TAS2R1: variants seen among roughly 807,000 people sequenced by gnomAD.
TAS2R1 encodes the protein taste 2 receptor member 1.
For synonymous variants in TAS2R1, 141 were observed against 134.2 expected (o/e 1.05, Z -0.35); for missense variants, 370 against 353.4 (o/e 1.05, Z -0.38).
chr5:9,890,202 G>GT, the TAS2R1 span, among the ~76,000 whole-genome samples: 1 of 152,098 alleles, frequency 6.6e-6, no homozygotes, highest in South Asian at 2.1e-4. Flanking sequence ...AAAAGGCAAG[G>GT]TAAAAAGAAA....
intron 2 of TAS2R1, among the ~76,000 whole-genome samples, chr5:9,645,356 T>C (rs1740166425): frequency 6.6e-6 from 1 of 152,202 alleles, no homozygotes; most frequent in Non-Finnish European, 1.5e-5. Context: ...CACAATCTGA[T>C]TTCAAATGCT....
the TAS2R1 span, among the ~76,000 whole-genome samples, chr5:9,827,700 T>C: frequency 0.11 from 16,117 of 152,132 alleles, 923 homozygotes; most frequent in Non-Finnish European, 0.13. Flanking sequence ...GGACTATCAC[T>C]TGAACCTGGA....
chr5:9,879,996 T>C, the TAS2R1 span, among the ~76,000 whole-genome samples: 1 of 152,132 alleles, frequency 6.6e-6, no homozygotes, highest in East Asian at 1.9e-4. Flanking sequence ...GATTTTCCTT[T>C]ATCAGCAATA....
chr5:9,806,380 C>G, the TAS2R1 span, among the ~76,000 whole-genome samples: 2 of 151,962 alleles, frequency 1.3e-5, no homozygotes, highest in Admixed American at 6.6e-5. Context: ...TCATTCTTCA[C>G]AGAACTAGAA....
the TAS2R1 span, among the ~76,000 whole-genome samples, chr5:9,718,875 T>TA: frequency 0.015 from 2,184 of 147,376 alleles, 40 homozygotes; most frequent in African/African-American, 0.045. Context: ...GCTACTGTAT[T>TA]AAAAAAAAAA....
chr5:9,650,361 G>A (rs1457422430), intron 2 of TAS2R1, among the ~76,000 whole-genome samples: 2 of 152,010 alleles, frequency 1.3e-5, no homozygotes, highest in East Asian at 1.9e-4. Context: ...GGAGGGGTGG[G>A]CACAATAAAA....
the TAS2R1 span, among the ~76,000 whole-genome samples, chr5:9,741,669 G>C: frequency 6.6e-6 from 1 of 152,254 alleles, no homozygotes; most frequent in South Asian, 2.1e-4. Context: ...GTTCCCACCT[G>C]TTCAAGCATC....
chr5:9,648,438 A>G (rs1323247828), intron 2 of TAS2R1, among the ~76,000 whole-genome samples: 2 of 151,978 alleles, frequency 1.3e-5, no homozygotes, highest in East Asian at 3.9e-4. Flanking sequence ...CAAGAAGAGG[A>G]CATATGAATG....
At chr5:9,745,342 C>A in the TAS2R1 span, among the ~76,000 whole-genome samples, 1 of 151,918 alleles carries the variant, frequency 6.6e-6, no homozygotes, top group Non-Finnish European at 1.5e-5. Context: ...TATGGTTGGA[C>A]ATAATATAAT....
intron 1 of TAS2R1, among the ~76,000 whole-genome samples, chr5:9,705,083 A>T (rs1741575718): frequency 1.3e-5 from 2 of 152,240 alleles, no homozygotes; most frequent in African/African-American, 4.8e-5. Context: ...TTTTAATTGA[A>T]ATAAATGTAT....
chr5:9,795,028 G>A, the TAS2R1 span, among the ~76,000 whole-genome samples: 1 of 152,120 alleles, frequency 6.6e-6, no homozygotes, highest in Non-Finnish European at 1.5e-5. Flanking sequence ...AGGGTAACTG[G>A]CACATCCATC....
chr5:9,768,301 G>T, the TAS2R1 span, among the ~76,000 whole-genome samples: 1 of 152,194 alleles, frequency 6.6e-6, no homozygotes, highest in South Asian at 2.1e-4. Flanking sequence ...TCACACATTT[G>T]CTCTGTTTCA....
the TAS2R1 span, among the ~76,000 whole-genome samples, chr5:9,882,296 A>G: frequency 6.6e-6 from 1 of 152,206 alleles, no homozygotes; most frequent in African/African-American, 2.4e-5. Context: ...CAAAACCACA[A>G]TGAGATAGTA....
the TAS2R1 span, among the ~76,000 whole-genome samples, chr5:9,835,333 G>A: frequency 4.6e-5 from 7 of 152,158 alleles, no homozygotes; most frequent in Admixed American, 3.3e-4. Flanking sequence ...TTCATGTGAC[G>A]CTACACTAGA....
chr5:9,749,989 A>G, the TAS2R1 span, among the ~76,000 whole-genome samples: 3 of 152,180 alleles, frequency 2.0e-5, no homozygotes, highest in Non-Finnish European at 4.4e-5. Context: ...CCTCACCAGC[A>G]TTCTTCACCC....
chr5:9,688,015 A>G (rs1203885747), intron 1 of TAS2R1, among the ~76,000 whole-genome samples: 1 of 152,242 alleles, frequency 6.6e-6, no homozygotes, highest in Non-Finnish European at 1.5e-5. Context: ...GCAAACTTAC[A>G]GAGGACCAAG....
rs1316969071 is a variant in TAS2R1 at position 9,693,547 on chromosome 5, AAGAG to A, written c.-242+18621_-242+18624del. 3.7e-3 allele frequency among the ~76,000 whole-genome samples: 511 copies of A among 136,738 alleles called. 6 individuals carry two copies. Among genetic ancestry groups the A allele is most frequent in the African/African-American group, 0.014 (497 of 36,018 alleles). 89.7% of individuals were successfully genotyped at this position (136,738 alleles called of 152,430 possible). A position where few individuals can be genotyped will look rare whatever the true frequency, so the allele number is the denominator to read the frequency against. ...CTCAAAAAAAAAAAAAAAAAAAAAA[AAGAG>A]AGAGAAAAAGAAAGAAAGAAAAATA... On this transcript the variant is annotated intron_variant, in intron 1 of 2. Coordinates refer to the TAS2R1 transcript ENST00000506620.
upstream of TAS2R1, among the ~76,000 whole-genome samples, chr5:9,712,807 G>A (rs1187492891): frequency 6.6e-6 from 1 of 152,132 alleles, no homozygotes; most frequent in Non-Finnish European, 1.5e-5. Flanking sequence ...AGGAATGTGG[G>A]AGGGTGGGTA....
chr5:9,815,967 A>G, the TAS2R1 span, among the ~76,000 whole-genome samples: 2 of 152,200 alleles, frequency 1.3e-5, no homozygotes, highest in Non-Finnish European at 2.9e-5. Context: ...CTTTTTAAAA[A>G]TATATGTGTA....
Sources: gnomAD v4.1 joint callset for allele counts (sites outside exome capture counted in the v4.1 genomes callset) on GRCh38, gnomAD v4.1.1 for gene constraint, MANE v1.5 for transcripts, NCBI Gene and HGNC (gene_info 2026-07-23, HGNC 2026-07-21) for gene names.